CTNNA3: variants seen among roughly 807,000 people sequenced by gnomAD.
The protein encoded by CTNNA3 is catenin alpha-3.
CTNNA3 carries 76 observed loss-of-function variants against 95.7 expected under a neutral mutation model. That is an observed-to-expected ratio of 0.79 (90% CI 0.66 to 0.96). The LOEUF (loss-of-function observed/expected upper bound fraction) is 0.96, where lower values mean the gene tolerates loss of function less well. Ranked by LOEUF, CTNNA3 falls within the 40% of genes least tolerant of loss-of-function variation. The probability of loss-of-function intolerance (pLI) is 0.00; values close to 1 mark genes in which losing one functional copy is unlikely to be tolerated. For synonymous variants in CTNNA3, 431 were observed against 374.4 expected (o/e 1.15, Z -1.74); for missense variants, 1,191 against 1,089.8 (o/e 1.09, Z -1.31).
chr10:66,880,570 C>T (rs1486233073), intron 7 of CTNNA3, among the ~76,000 whole-genome samples: 1 of 152,052 alleles, frequency 6.6e-6, no homozygotes, highest in South Asian at 2.1e-4. Context: ...TGACCCTAGT[C>T]TTGGAAATAA....
At chr10:66,009,170 G>A (rs1391597219) in intron 15 of CTNNA3, among the ~76,000 whole-genome samples, 1 of 151,998 alleles carries the variant, frequency 6.6e-6, no homozygotes. Context: ...GTTCTTTTCA[G>A]TTTTGACTGG....
chr10:66,730,575 C>CAAAAT (rs1215081408), intron 9 of CTNNA3, among the ~76,000 whole-genome samples: 11 of 152,118 alleles, frequency 7.2e-5, no homozygotes, highest in Non-Finnish European at 1.5e-4. Flanking sequence ...ATGTAACAAA[C>CAAAAT]CTATACATTT....
intron 11 of CTNNA3, among the ~76,000 whole-genome samples, chr10:66,478,131 T>C (rs1001051536): frequency 6.6e-6 from 1 of 152,134 alleles, no homozygotes; most frequent in African/African-American, 2.4e-5. Context: ...CATGCACTTT[T>C]ATTCTTTGTT....
chr10:66,759,897 A>G (rs1419461933), intron 9 of CTNNA3, among the ~76,000 whole-genome samples: 1 of 152,188 alleles, frequency 6.6e-6, no homozygotes, highest in Non-Finnish European at 1.5e-5. Flanking sequence ...AAACCAGTTT[A>G]CCTGTTTAGT....
At chr10:66,508,870 A>G (rs1840557947) in intron 11 of CTNNA3, among the ~76,000 whole-genome samples, 1 of 152,118 alleles carries the variant, frequency 6.6e-6, no homozygotes, top group African/African-American at 2.4e-5. Context: ...TTTCTTTAAT[A>G]CAATGATTTC....
intron 1 of CTNNA3, among the ~76,000 whole-genome samples, chr10:67,745,210 A>G (rs1008051998): frequency 2.0e-5 from 3 of 152,234 alleles, no homozygotes; most frequent in Admixed American, 6.5e-5. Flanking sequence ...ACATGCACAC[A>G]TATGTTTATA....
intron 7 of CTNNA3, among the ~76,000 whole-genome samples, chr10:67,008,052 C>T (rs991372805): frequency 4.6e-5 from 7 of 151,506 alleles, no homozygotes; most frequent in Non-Finnish European, 8.8e-5. Context: ...AATGAATTTA[C>T]TAAAAAATGA....
chr10:66,310,576 TA>T (rs1455005114), intron 12 of CTNNA3, among the ~76,000 whole-genome samples: 1 of 87,964 alleles, frequency 1.1e-5, no homozygotes, highest in Non-Finnish European at 2.5e-5. Flanking sequence ...TAGAATGTTT[TA>T]TTCTGTGTTT....
intron 1 of CTNNA3, among the ~76,000 whole-genome samples, chr10:67,660,930 CAAAA>C (rs71006158): frequency 9.5e-6 from 1 of 104,806 alleles, no homozygotes; most frequent in African/African-American, 3.0e-5. Context: ...GACTCCGTCT[CAAAA>C]AAAAAAAAAA....
chr10:65,989,869 C>T (rs577536213), intron 15 of CTNNA3, among the ~76,000 whole-genome samples: 1 of 152,174 alleles, frequency 6.6e-6, no homozygotes, highest in South Asian at 2.1e-4. Context: ...CCCCCAATCC[C>T]CAACAAACAC....
At chr10:66,127,318 TACTACA>T (rs2082876787) in intron 13 of CTNNA3, among the ~76,000 whole-genome samples, 1 of 146,260 alleles carries the variant, frequency 6.8e-6, no homozygotes, top group Non-Finnish European at 1.5e-5. Flanking sequence ...ATAGTGTAGA[TACTACA>T]ACCTCAGCCA....
At chr10:66,456,226 G>A (rs1229230900) in intron 11 of CTNNA3, among the ~76,000 whole-genome samples, 1 of 152,138 alleles carries the variant, frequency 6.6e-6, no homozygotes, top group Non-Finnish European at 1.5e-5. Flanking sequence ...TATCATAGCT[G>A]AAAGGGTTTT....
chr10:66,530,823 G>A (rs915447340), intron 10 of CTNNA3, among the ~76,000 whole-genome samples: 9 of 152,122 alleles, frequency 5.9e-5, no homozygotes, highest in African/African-American at 2.2e-4. Flanking sequence ...AAACGTATAA[G>A]AAACCAAGCT....
chr10:66,142,388 T>C lies in CTNNA3; in HGVS notation c.1885-39139A>G, dbSNP rs186218586. On this transcript the variant is annotated intron_variant, in intron 13 of 17. Transcript: ENST00000433211. Reference sequence around the variant, plus strand: ...TTATTTGTCTATTATTTGACCAGTATGACACTGTCTTGATTATGGAAGCTT... The same window carrying C: ...TTATTTGTCTATTATTTGACCAGTACGACACTGTCTTGATTATGGAAGCTT... Among the ~76,000 whole-genome samples, 282 of 152,298 alleles carry C rather than the reference T, an allele frequency of 1.9e-3. 1 individual carries two copies. Among genetic ancestry groups the C allele is most frequent in the African/African-American group, 6.0e-3 (249 of 41,582 alleles).
chr10:66,661,094 T>C (rs1285370983), intron 9 of CTNNA3, among the ~76,000 whole-genome samples: 5 of 152,176 alleles, frequency 3.3e-5, no homozygotes, highest in African/African-American at 7.2e-5. Context: ...CTGAAATATA[T>C]ATTTTTTGAT....
intron 7 of CTNNA3, among the ~76,000 whole-genome samples, chr10:67,106,959 T>C (rs1858670886): frequency 6.6e-6 from 1 of 152,106 alleles, no homozygotes; most frequent in East Asian, 1.9e-4. Context: ...AGAAATAAAA[T>C]TCAAGAACTA....
chr10:67,562,269 C>T (rs1841544604), intron 3 of CTNNA3, among the ~76,000 whole-genome samples: 1 of 152,116 alleles, frequency 6.6e-6, no homozygotes, highest in South Asian at 2.1e-4. Flanking sequence ...AATCCAGCAG[C>T]ACATCAAAAA....
At chr10:66,769,215 G>T (rs763387356) in intron 8 of CTNNA3, among the ~76,000 whole-genome samples, 35 of 152,160 alleles carry the variant, frequency 2.3e-4, no homozygotes, top group Non-Finnish European at 4.4e-5. Context: ...GTCTCACATT[G>T]TGCCAACTTT....
chr10:66,070,586 T>C (rs774094408), intron 14 of CTNNA3, among the ~76,000 whole-genome samples: 14 of 152,262 alleles, frequency 9.2e-5, no homozygotes, highest in Middle Eastern at 3.4e-3. Flanking sequence ...TGGTATATTA[T>C]GGAAAATTAT....
Sources: allele counts gnomAD v4.1 joint callset (sites outside exome capture counted in the v4.1 genomes callset), GRCh38; gene constraint gnomAD v4.1.1; transcripts MANE v1.5; gene names NCBI Gene and HGNC (gene_info 2026-07-23, HGNC 2026-07-21).